Variants in GTSE1 observed in about 807,000 individuals in gnomAD.
The protein encoded by GTSE1 is G2 and S phase-expressed protein 1.
GTSE1 carries 52 observed loss-of-function variants against 60.5 expected under a neutral mutation model. The ratio of observed to expected loss-of-function variants is 0.86; its 90% confidence interval spans 0.69 to 1.08. GTSE1 has a LOEUF of 1.08. Ranked by LOEUF, GTSE1 falls within the 50% of genes least tolerant of loss-of-function variation. GTSE1 has a pLI of 0.00. For missense variants in GTSE1, 937 were observed against 961.8 expected, an observed-to-expected ratio of 0.97 and a Z score of 0.34; for synonymous variants, 368 against 386.5, an observed-to-expected ratio of 0.95 and a Z score of 0.56.
chr22:46,323,100 C>G (rs965503414), intron 7 of GTSE1, 90 bp from the exon 8 acceptor site: 3 of 859,784 alleles, frequency 3.5e-6, no homozygotes, highest in Non-Finnish European at 6.1e-6. Flanking sequence ...TGGAGATACT[C>G]GGAGAATTGC....
chr22:46,322,185 G>A, intron 7 of GTSE1, among the ~76,000 whole-genome samples: 1 of 152,116 alleles, frequency 6.6e-6, no homozygotes. Context: ...CAGGAGCTTG[G>A]GTGCAGGCGC....
chr22:46,329,509 T>G lies in GTSE1; in HGVS notation c.2078T>G (p.Met693Arg), dbSNP rs1353446795. The change falls in exon 11 of 12, where the codon ATG becomes AGG. Residue 693 changes from methionine to arginine, a missense_variant. Coordinates refer to ENST00000454366, the MANE Select transcript of GTSE1 (RefSeq NM_016426.7). This position sits in a 1 kb window ranked among gnomAD's most constrained non-coding sequence, Gnocchi z 6.4. Reference sequence around the variant, plus strand: ...GAAAGCAGGCCTCTGATCGACCTCATGACAAACACTCCAGACATGAATAAA... The same window carrying G: ...GAAAGCAGGCCTCTGATCGACCTCAGGACAAACACTCCAGACATGAATAAA... ...GSESRPLIDL[M>R]TNTPDMNKNV... 6.2e-7 allele frequency: 1 copy of G among 1,614,164 alleles called. No individual in the cohort carries two copies. Among genetic ancestry groups the G allele is most frequent in the African/African-American group, 1.3e-5 (1 of 75,042 alleles).
rs1261883749 is a variant in GTSE1, at chr22:46,318,610, G to T, written c.1432+2198G>T. 1.3e-5 allele frequency among the ~76,000 whole-genome samples: 2 copies of T among 152,152 alleles called. No individual in the cohort carries two copies. The highest frequency in any genetic ancestry group is 6.5e-5 in the Admixed American group (1 of 15,274). ...CAAAGATGGTCAGGAGGTGACACGG[G>T]ACTGAGATCTGAACCAGGAGACTGA... On this transcript the variant is annotated intron_variant, in intron 7 of 11. Coordinates refer to ENST00000454366, the MANE Select transcript of GTSE1 (RefSeq NM_016426.7). The surrounding 1 kb of genome is among the most constrained non-coding windows in gnomAD (Gnocchi z 4.8).
rs78709868 is a variant in GTSE1, at chr22:46,299,392, C to T, written c.79+1913C>T. On this transcript the variant is annotated intron_variant, in intron 2 of 11. Coordinates refer to ENST00000454366, the MANE Select transcript of GTSE1 (RefSeq NM_016426.7). ...AGCTCTGGGCTTGTATATTCACCTG[C>T]CTATTTGGCGTCTTCACATGCACGT... 7.0e-3 allele frequency among the ~76,000 whole-genome samples: 1,071 copies of T among 152,358 alleles called. 15 individuals are homozygous for T. Among genetic ancestry groups the T allele is most frequent in the African/African-American group, 0.025 (1,029 of 41,576 alleles).
Position 46,316,806 on chromosome 22 carries a change from G to T in GTSE1, c.1432+394G>T, listed in dbSNP as rs1193765269. Among the ~76,000 whole-genome samples the T allele has an allele frequency of 1.3e-5, 2 of 152,112 alleles. No individual in the cohort carries two copies. Among genetic ancestry groups the T allele is most frequent in the African/African-American group, 4.8e-5 (2 of 41,432 alleles). ...GAAAACGTTGGCCATTATTTCTTCA[G>T]CTATCTTTTCCTCTTTCCACTTTAT... On this transcript the variant is annotated intron_variant, in intron 7 of 11. Coordinates refer to ENST00000454366, the MANE Select transcript of GTSE1 (RefSeq NM_016426.7). The surrounding 1 kb of genome is among the most constrained non-coding windows in gnomAD (Gnocchi z 5.0).
At chr22:46,299,856 G>A (rs1274025976) in intron 2 of GTSE1, among the ~76,000 whole-genome samples, 1 of 148,042 alleles carries the variant, frequency 6.8e-6, no homozygotes, top group Non-Finnish European at 1.5e-5. Context: ...GCAGTGGCGT[G>A]ATCTCGGCTT....
chr22:46,298,173 G>A lies in GTSE1; in HGVS notation c.79+694G>A, dbSNP rs548787892. 2.0e-5 allele frequency among the ~76,000 whole-genome samples: 3 copies of A among 151,170 alleles called. No homozygotes were observed. In the South Asian group the frequency reaches 6.3e-4, roughly 32 times the overall value. ...AGACGGGGTTTTGCCATGTTGCCCA[G>A]GCTGGTCTCGAACTCCTGAGCTCAG... On this transcript the variant is annotated intron_variant, in intron 2 of 11. Transcript: ENST00000454366.
chr22:46,306,342 C>T (rs931206347), intron 2 of GTSE1, among the ~76,000 whole-genome samples: 3 of 151,798 alleles, frequency 2.0e-5, no homozygotes, highest in South Asian at 2.1e-4. Flanking sequence ...CCACCACGCC[C>T]GGCTAATTTT....
rs2077862349 is a variant in GTSE1, at chr22:46,329,305, A to T, written c.1927-53A>T. On this transcript the variant is annotated intron_variant, in intron 10 of 11. Coordinates refer to ENST00000454366, the MANE Select transcript of GTSE1 (RefSeq NM_016426.7). The surrounding 1 kb of genome is among the most constrained non-coding windows in gnomAD (Gnocchi z 6.4). ...TGAGCAAAGCTCACATTCTCCCAAGATGGTTGCCAGAAAGATGCTGGACTC... is the reference window on the plus strand; with the variant it reads ...TGAGCAAAGCTCACATTCTCCCAAGTTGGTTGCCAGAAAGATGCTGGACTC... 7.2e-7 allele frequency: 1 copy of T among 1,389,718 alleles called. No individual in the cohort carries two copies. The highest frequency in any genetic ancestry group is 1.2e-5 in the South Asian group (1 of 86,632). 86.1% of individuals were successfully genotyped at this position (1,389,718 alleles called of 1,614,324 possible).
intron 2 of GTSE1, among the ~76,000 whole-genome samples, chr22:46,301,550 C>T (rs1160856098): frequency 6.7e-6 from 1 of 150,002 alleles, no homozygotes; most frequent in Non-Finnish European, 1.5e-5. Context: ...TGCAATGGTG[C>T]GATCTCGGCT....
chr22:46,299,366 G>C (rs765326235), intron 2 of GTSE1, among the ~76,000 whole-genome samples: 1 of 152,228 alleles, frequency 6.6e-6, no homozygotes, highest in Non-Finnish European at 1.5e-5. Context: ...CCTCTCCTCC[G>C]AGCTCTGGGC....
chr22:46,317,263 G>A lies in GTSE1; in HGVS notation c.1432+851G>A, dbSNP rs865793442. 2.6e-5 allele frequency among the ~76,000 whole-genome samples: 4 copies of A among 152,142 alleles called. No individual in the cohort carries two copies. Among genetic ancestry groups the A allele is most frequent in the East Asian group, 3.8e-4 (2 of 5,198 alleles). ...ATTATAGGTGTGAGCCACCGTGCCC[G>A]GCCCAGCCTTTTTCCTTGAGCTACA... On this transcript the variant is annotated intron_variant, in intron 7 of 11. Transcript: ENST00000454366. This position sits in a 1 kb window ranked among gnomAD's most constrained non-coding sequence, Gnocchi z 5.6.
Position 46,330,386 on chromosome 22 carries a change from G to C in GTSE1, c.*256G>C. ...AGTCCCAGCTACTTGGGAGGCTGAA[G>C]TGGGAGGATGGCCTGAGCTCAAGGA... is the stretch of plus-strand genomic sequence containing the variant. On this transcript the variant is annotated 3_prime_UTR_variant, in exon 12 of 12. Coordinates refer to ENST00000454366, the MANE Select transcript of GTSE1 (RefSeq NM_016426.7). This position sits in a 1 kb window ranked among gnomAD's most constrained non-coding sequence, Gnocchi z 6.0. The C allele has an allele frequency of 2.6e-6, 1 of 385,994 alleles. No homozygotes were observed. The highest frequency in any genetic ancestry group is 4.8e-6 in the Non-Finnish European group (1 of 208,578). The allele number at this position is 385,994 out of a possible 1,614,324, so 23.9% of individuals were successfully genotyped here. A position where few individuals can be genotyped will look rare whatever the true frequency, so the allele number is the denominator to read the frequency against.
chr22:46,317,727 C>T lies in GTSE1; in HGVS notation c.1432+1315C>T, dbSNP rs1432875085. ...AGTGGTGGGTCTAGCATAGCCTTTC[C>T]GCCTCCCGCCACCGGCGTCCTTCCC... On this transcript the variant is annotated intron_variant, in intron 7 of 11. Coordinates refer to ENST00000454366, the MANE Select transcript of GTSE1 (RefSeq NM_016426.7). This position sits in a 1 kb window ranked among gnomAD's most constrained non-coding sequence, Gnocchi z 5.6. Among the ~76,000 whole-genome samples, 9 of 152,200 alleles carry T rather than the reference C, an allele frequency of 5.9e-5. No homozygotes were observed. The highest frequency in any genetic ancestry group is 2.6e-4 in the Admixed American group (4 of 15,278).
At chr22:46,303,941 C>T (rs1230151958) in intron 2 of GTSE1, among the ~76,000 whole-genome samples, 1 of 152,084 alleles carries the variant, frequency 6.6e-6, no homozygotes, top group Non-Finnish European at 1.5e-5. Flanking sequence ...AGTGAGGAGG[C>T]CAGGGAGCAG....
rs374013805 is a variant in GTSE1, at chr22:46,310,711, C to T, written c.763-1430C>T. Among the ~76,000 whole-genome samples, 3 of 152,320 alleles carry T rather than the reference C, an allele frequency of 2.0e-5. No homozygotes were observed. The East Asian group carries it at 5.8e-4, about 29-fold the overall frequency. On this transcript the variant is annotated intron_variant, in intron 4 of 11. Transcript: ENST00000454366. The surrounding 1 kb of genome is among the most constrained non-coding windows in gnomAD (Gnocchi z 4.4). ...TGGGAAGCCAAGGTGGGCGAATCAC[C>T]TGAGGTCAGGAGTTTGAGCCCAGCC...
intron 8 of GTSE1, among the ~76,000 whole-genome samples, chr22:46,326,215 C>T (rs897719279): frequency 2.0e-5 from 3 of 152,250 alleles, no homozygotes; most frequent in Non-Finnish European, 4.4e-5. Flanking sequence ...AAGCCATTCC[C>T]ACTGGGAGCC....
chr22:46,325,862 C>T (rs1388010197), intron 8 of GTSE1, among the ~76,000 whole-genome samples: 3 of 152,344 alleles, frequency 2.0e-5, no homozygotes, highest in Admixed American at 2.0e-4. Context: ...AACAGTTAGG[C>T]AAGACCCATG....
chr22:46,314,020 C>T lies in GTSE1; in HGVS notation c.1051+7C>T. 6.2e-7 allele frequency: 1 copy of T among 1,613,820 alleles called. No individual in the cohort carries two copies. On this transcript the variant is annotated splice_region_variant and intron_variant, in intron 6 of 11. Coordinates refer to ENST00000454366, the MANE Select transcript of GTSE1 (RefSeq NM_016426.7). This position sits in a 1 kb window ranked among gnomAD's most constrained non-coding sequence, Gnocchi z 7.1. ...TCCCCAGCAGTGGGCAAAGGTGAGG[C>T]AGCCGGCATCATGCTTGGACCCACA...
Sources: allele counts gnomAD v4.1 joint callset (sites outside exome capture counted in the v4.1 genomes callset), GRCh38; gene constraint gnomAD v4.1.1; non-coding constraint Gnocchi (gnomAD v3.1); transcripts MANE v1.5; gene names NCBI Gene and HGNC (gene_info 2026-07-23, HGNC 2026-07-21).